ARIH2: variants seen among roughly 807,000 people sequenced by gnomAD.
The protein encoded by ARIH2 is ariadne RBR E3 ubiquitin protein ligase 2.
Under a neutral mutation model 79.8 loss-of-function variants are expected in ARIH2, and 12 were observed. The observed-to-expected ratio is 0.15, with a 90% CI of 0.10 to 0.24. The LOEUF (loss-of-function observed/expected upper bound fraction) is 0.24, where lower values mean the gene tolerates loss of function less well. ARIH2 is among the 10% of genes least tolerant of loss of function. The probability of loss-of-function intolerance (pLI) is 1.00; values close to 1 mark genes in which losing one functional copy is unlikely to be tolerated. For missense variants in ARIH2, 301 were observed against 618.3 expected, an observed-to-expected ratio of 0.49 and a Z score of 5.44; for synonymous variants, 224 against 213.9, an observed-to-expected ratio of 1.05 and a Z score of -0.41.
At chr3:48,951,002 A>T in intron 3 of ARIH2, among the ~76,000 whole-genome samples, 2 of 138,568 alleles carry the variant, frequency 1.4e-5, no homozygotes, top group Non-Finnish European at 1.5e-5. Context: ...TTGCCCTGTC[A>T]CCCAGGCTGG....
chr3:48,923,301 G>T (rs903924453), intron 2 of ARIH2, among the ~76,000 whole-genome samples: 19 of 151,802 alleles, frequency 1.3e-4, no homozygotes, highest in Admixed American at 3.9e-4. Flanking sequence ...CTGAGAGACT[G>T]AGGCAGGAGA....
Position 48,927,850 on chromosome 3 carries a change from A to G in ARIH2, c.255+37A>G, listed in dbSNP as rs751796580. ...TGTAAACTCCAGTGTAATCCCCCCC[A>G]GTTAAATCTAAGGATGAGCTGTTGT... On this transcript the variant is annotated intron_variant, in intron 3 of 15. Transcript: ENST00000356401. 4 of 1,602,088 alleles carry G rather than the reference A, an allele frequency of 2.5e-6. No individual in the cohort carries two copies. The African/African-American group carries it at 5.4e-5, about 21-fold the overall frequency.
chr3:48,923,781 A>G (rs2085177435), intron 2 of ARIH2, among the ~76,000 whole-genome samples: 2 of 152,162 alleles, frequency 1.3e-5, no homozygotes, highest in South Asian at 2.1e-4. Context: ...TCGGCCTCCC[A>G]AAGTGCTGGG....
chr3:48,962,491 C>G (rs2091375616), intron 4 of ARIH2, among the ~76,000 whole-genome samples: 1 of 152,090 alleles, frequency 6.6e-6, no homozygotes, highest in Admixed American at 6.6e-5. Flanking sequence ...AGATACAGAC[C>G]TTAGAGTCTC....
At chr3:48,961,209 CAAGT>C (rs545737942) in intron 3 of ARIH2, among the ~76,000 whole-genome samples, 256 of 152,300 alleles carry the variant, frequency 1.7e-3, no homozygotes, top group Middle Eastern at 6.8e-3. Flanking sequence ...GGATTTTCTA[CAAGT>C]AACAGGCCTA....
intron 5 of ARIH2, 58 bp from the exon 6 acceptor site, chr3:48,967,067 C>G (rs1024728184): frequency 5.1e-6 from 8 of 1,576,112 alleles, no homozygotes; most frequent in African/African-American, 4.1e-5. Flanking sequence ...CATGAGGTAC[C>G]CTTATGGCCT....
intron 11 of ARIH2, among the ~76,000 whole-genome samples, chr3:48,978,508 G>T (rs2092636284): frequency 7.0e-6 from 1 of 143,866 alleles, no homozygotes; most frequent in Non-Finnish European, 1.5e-5. Context: ...GGTAGAGACG[G>T]GTGTTTCACC....
chr3:48,962,190 A>G (rs997961841), intron 4 of ARIH2, among the ~76,000 whole-genome samples: 7 of 152,092 alleles, frequency 4.6e-5, no homozygotes, highest in Non-Finnish European at 7.4e-5. Context: ...CAGCCTGGCC[A>G]GCATGATGAA....
intron 3 of ARIH2, among the ~76,000 whole-genome samples, chr3:48,961,045 G>A (rs962222592): frequency 4.6e-5 from 7 of 152,142 alleles, no homozygotes; most frequent in Admixed American, 4.6e-4. Context: ...GCATATAGAG[G>A]CCAGAAAGGC....
intron 6 of ARIH2, among the ~76,000 whole-genome samples, chr3:48,967,765 C>A (rs151102160): frequency 6.6e-6 from 1 of 152,170 alleles, no homozygotes; most frequent in East Asian, 1.9e-4. Flanking sequence ...TGTTAAACAT[C>A]ACAAAACTCA....
At chr3:48,940,496 G>T (rs1013524050) in intron 3 of ARIH2, among the ~76,000 whole-genome samples, 1 of 151,500 alleles carries the variant, frequency 6.6e-6, no homozygotes, top group Middle Eastern at 3.2e-3. Context: ...GGTCAGTGTT[G>T]CGAGAAGTCA....
chr3:48,923,345 A>G (rs1181742277), intron 2 of ARIH2, among the ~76,000 whole-genome samples: 1 of 151,608 alleles, frequency 6.6e-6, no homozygotes, highest in Non-Finnish European at 1.5e-5. Flanking sequence ...GGTTGCAGTG[A>G]GCTGAGATCG....
At chr3:48,919,199 C>A in intron 1 of ARIH2, 1 of 1,287,544 alleles carries the variant, frequency 7.8e-7, no homozygotes, top group Non-Finnish European at 9.8e-7. Context: ...CTTTTTTCCT[C>A]CCGCCGCCTT....
intron 3 of ARIH2, chr3:48,949,067 T>C: frequency 4.4e-6 from 2 of 456,728 alleles, no homozygotes; most frequent in Non-Finnish European, 4.4e-6. Context: ...CTTGTATAGA[T>C]AACTAGGAGT....
chr3:48,959,609 C>T (rs2091018855), intron 3 of ARIH2, among the ~76,000 whole-genome samples: 1 of 122,704 alleles, frequency 8.1e-6, no homozygotes, highest in African/African-American at 3.3e-5. Flanking sequence ...CGAGACCATT[C>T]TGGCTAACAT....
At chr3:48,919,311 TC>T in intron 1 of ARIH2, 2 of 895,368 alleles carry the variant, frequency 2.2e-6, no homozygotes, top group East Asian at 6.7e-5. Flanking sequence ...ACGCGCCGCC[TC>T]GGGGCTCACC....
Position 48,983,322 on chromosome 3 carries a change from G to C in ARIH2, c.*52G>C, listed in dbSNP as rs538713967. The stretch of plus-strand genomic sequence containing the variant: ...GGAAGATGTGGCTGCAAGGTCTCCC[G>C]GCTGCCATACTGCATGCTGCAGGCT... On this transcript the variant is annotated 3_prime_UTR_variant, in exon 16 of 16. Transcript: ENST00000356401. 1 of 1,579,188 alleles carries C rather than the reference G, an allele frequency of 6.3e-7. No homozygotes were observed. Among genetic ancestry groups the C allele is most frequent in the Non-Finnish European group, 8.7e-7 (1 of 1,149,564 alleles).
chr3:48,978,481 A>T (rs1239331440), intron 11 of ARIH2, among the ~76,000 whole-genome samples: 1,309 of 49,274 alleles, frequency 0.027, 59 homozygotes, highest in South Asian at 0.097. Flanking sequence ...ATATATATAT[A>T]TATTTTTTTT....
chr3:48,966,067 A>G (rs1045495445), intron 5 of ARIH2, among the ~76,000 whole-genome samples: 16 of 152,338 alleles, frequency 1.1e-4, no homozygotes, highest in African/African-American at 3.8e-4. Flanking sequence ...TGTTATAGTG[A>G]TTAACTCATA....
Sources: allele counts gnomAD v4.1 joint callset (sites outside exome capture counted in the v4.1 genomes callset), GRCh38; gene constraint gnomAD v4.1.1; transcripts MANE v1.5; gene names NCBI Gene and HGNC (gene_info 2026-07-23, HGNC 2026-07-21).